Variants in PCDHA6 observed in about 807,000 individuals in gnomAD.
PCDHA6 encodes protocadherin alpha 6.
A neutral mutation model predicts 60.3 loss-of-function variants in PCDHA6; 55 were observed. The observed-to-expected ratio is 0.91, with a 90% confidence interval of 0.73 to 1.14. The LOEUF is 1.14. Among genes scored for constraint, PCDHA6 ranks in the 50% most tolerant of loss-of-function variants. PCDHA6 has a pLI of 0.00. For missense variants in PCDHA6, 1,327 were observed against 1,256.5 expected, an observed-to-expected ratio of 1.06 and a Z score of -0.85; for synonymous variants, 652 against 557.9, an observed-to-expected ratio of 1.17 and a Z score of -2.38.
intron 1 of PCDHA6, chr5:140,848,633 C>T (rs1554142316): frequency 1.9e-6 from 3 of 1,593,314 alleles, no homozygotes; most frequent in Non-Finnish European, 2.6e-6. Context: ...CCTTCGTGGG[C>T]CGCATCGCGC....
In PCDHA6 at chr5:140,968,789, G is replaced by A. The variant is rs782339889; in HGVS notation, c.2395-10160G>A. 16 of 1,614,060 alleles carry A rather than the reference G, an allele frequency of 9.9e-6. No individual in the cohort carries two copies. In the African/African-American group the frequency reaches 1.7e-4, roughly 18 times the overall value. On this transcript the variant is annotated intron_variant, in intron 1 of 3. Transcript: ENST00000529310. The stretch of plus-strand genomic sequence containing the variant: ...AGAGCCATCACTATCAGCCTCTGTG[G>A]CCATTACAGTAGCTGTGGTGGATAG...
At chr5:140,971,372 A>G (rs1554233263) in intron 1 of PCDHA6, among the ~76,000 whole-genome samples, 1 of 152,214 alleles carries the variant, frequency 6.6e-6, no homozygotes, top group Non-Finnish European at 1.5e-5. Flanking sequence ...AGGAGAGTGC[A>G]TGACTTTAAT....
chr5:140,887,323 C>T (rs1209011082), intron 1 of PCDHA6, among the ~76,000 whole-genome samples: 5 of 152,084 alleles, frequency 3.3e-5, no homozygotes, highest in African/African-American at 1.2e-4. Context: ...GTCTCGAACT[C>T]CTGACCTCGT....
At chr5:141,000,421 A>ATATTTTTTTTTTT (rs1265241806) in intron 3 of PCDHA6, among the ~76,000 whole-genome samples, 1 of 27,968 alleles carries the variant, frequency 3.6e-5, no homozygotes, top group African/African-American at 1.8e-4. Flanking sequence ...ATATATATAT[A>ATATTTTTTTTTTT]TTTTTTTTTT....
At chr5:140,967,730 G>A (rs2096176474) in intron 1 of PCDHA6, 1 of 1,614,146 alleles carries the variant, frequency 6.2e-7, no homozygotes, top group Non-Finnish European at 8.5e-7. Context: ...AGTAATTGGG[G>A]GGCTGGATTA....
In PCDHA6 at chr5:140,882,314, C is replaced by G. The variant is rs370330527; in HGVS notation, c.2394+51829C>G. 9 of 1,614,000 alleles carry G rather than the reference C, an allele frequency of 5.6e-6. No individual in the cohort carries two copies. The Admixed American group carries it at 6.7e-5, about 12-fold the overall frequency. On this transcript the variant is annotated intron_variant, in intron 1 of 3. Transcript: ENST00000529310. ...AGGCCCAAGACCGCGGCAACTACTGCTCTGGCTTCTGATCCTCGCAGCCTG... is the reference window on the plus strand; with the variant it reads ...AGGCCCAAGACCGCGGCAACTACTGGTCTGGCTTCTGATCCTCGCAGCCTG...
rs562257406 is a variant in PCDHA6 at position 140,883,263 on chromosome 5, G to A, written c.2394+52778G>A. 5.0e-6 allele frequency: 8 copies of A among 1,613,870 alleles called. No individual in the cohort carries two copies. The Admixed American group carries it at 6.7e-5, about 13-fold the overall frequency. ...GACAAAGGAAATATTCCAATGGCGG[G>A]TCATTGTACCCTTTTGGTGGAAGTA... On this transcript the variant is annotated intron_variant, in intron 1 of 3. Transcript: ENST00000529310.
At position 140,828,065 on chromosome 5, in the gene PCDHA6, AT is replaced by A; in HGVS notation, c.-26del. On this transcript the variant is annotated 5_prime_UTR_variant, in exon 1 of 4. It removes an upstream start codon present in the reference 5' UTR. Transcript: ENST00000529310. ...TTATCTTTATGCGGAAGATCTTCTA[AT>A]GGAAATAAAACCAGAGGTATTTGAC... is the stretch of plus-strand genomic sequence containing the variant. The A allele has an allele frequency of 2.6e-6, 4 of 1,559,414 alleles. No individual in the cohort carries two copies. Among genetic ancestry groups the A allele is most frequent in the Non-Finnish European group, 3.5e-6 (4 of 1,155,326 alleles).
rs150205860 is a variant in PCDHA6 at position 140,883,142 on chromosome 5, G to T, written c.2394+52657G>T. The T allele has an allele frequency of 3.1e-6, 5 of 1,613,886 alleles. No individual in the cohort carries two copies. In the African/African-American group the frequency reaches 6.7e-5, roughly 22 times the overall value. On this transcript the variant is annotated intron_variant, in intron 1 of 3. Transcript: ENST00000529310. ...GCCTGTATGGCCTGCAGTGGTATAT[G>T]CATTTACCATAAATCCGAACAATGG...
chr5:140,929,272 T>C (rs560527071), intron 1 of PCDHA6: 1 of 1,607,152 alleles, frequency 6.2e-7, no homozygotes. Flanking sequence ...TTTGCCAATA[T>C]CCTGTATTCA....
intron 1 of PCDHA6, among the ~76,000 whole-genome samples, chr5:140,962,849 T>G (rs1434907172): frequency 6.6e-6 from 1 of 152,214 alleles, no homozygotes; most frequent in Non-Finnish European, 1.5e-5. Context: ...ATATAACTTG[T>G]GCTCGGTTTG....
At chr5:140,850,781 G>C (rs2150498025) in intron 1 of PCDHA6, 2 of 1,598,096 alleles carry the variant, frequency 1.3e-6, no homozygotes, top group African/African-American at 2.7e-5. Context: ...GCTCTGGCGA[G>C]GGTAAGCAGA....
chr5:140,938,843 C>T (rs1232774282), intron 1 of PCDHA6, among the ~76,000 whole-genome samples: 3 of 152,012 alleles, frequency 2.0e-5, no homozygotes, highest in Admixed American at 6.6e-5. Flanking sequence ...AACAAACCTG[C>T]CCATGTACCC....
intron 1 of PCDHA6, among the ~76,000 whole-genome samples, chr5:140,977,739 T>C (rs1198089748): frequency 1.3e-5 from 2 of 152,206 alleles, no homozygotes; most frequent in South Asian, 2.1e-4. Context: ...CTGGGTGTTA[T>C]GAAGAAATGT....
At chr5:140,996,094 T>C (rs1428375932) in intron 3 of PCDHA6, among the ~76,000 whole-genome samples, 1 of 152,192 alleles carries the variant, frequency 6.6e-6, no homozygotes, top group Non-Finnish European at 1.5e-5. Flanking sequence ...CTAGATTACA[T>C]GGAATGGTAT....
rs367948106 is a variant in PCDHA6 at position 140,876,049 on chromosome 5, G to A, written c.2394+45564G>A. On this transcript the variant is annotated intron_variant, in intron 1 of 3. Coordinates refer to ENST00000529310, the MANE Select transcript of PCDHA6 (RefSeq NM_018909.4). Reference sequence around the variant, plus strand: ...AAAAAAAGATAAAAGTATATTGCCTGAATTAGTTCTTCGGAAGTTATTGGA... The same window carrying A: ...AAAAAAAGATAAAAGTATATTGCCTAAATTAGTTCTTCGGAAGTTATTGGA... The A allele has an allele frequency of 3.6e-4, 586 of 1,613,784 alleles. No individual in the cohort carries two copies. The highest frequency in any genetic ancestry group is 4.9e-4 in the Non-Finnish European group (575 of 1,179,896).
rs2150224135 is a variant in PCDHA6, at chr5:140,834,676, G to A, written c.2394+4191G>A. The A allele has an allele frequency of 3.3e-5, 53 of 1,614,126 alleles. No individual in the cohort carries two copies. Among genetic ancestry groups the A allele is most frequent in the Non-Finnish European group, 4.2e-5 (50 of 1,180,052 alleles). On this transcript the variant is annotated intron_variant, in intron 1 of 3. Coordinates refer to ENST00000529310, the MANE Select transcript of PCDHA6 (RefSeq NM_018909.4). ...ATCGACCGCGAGGAGCTGTGCGGGC[G>A]GAGCGCGGAGTGCAGCATCCACCTG...
At chr5:140,882,024 G>C in intron 1 of PCDHA6, 1 of 580,388 alleles carries the variant, frequency 1.7e-6, no homozygotes, top group East Asian at 3.1e-5. Flanking sequence ...CTACATCAAT[G>C]GAAAATATGA....
chr5:140,973,242 ATTC>A (rs1295527172), intron 1 of PCDHA6, among the ~76,000 whole-genome samples: 1 of 152,170 alleles, frequency 6.6e-6, no homozygotes, highest in Non-Finnish European at 1.5e-5. Context: ...GAAAGAGTTA[ATTC>A]TTCTTTCAGT....
Sources: allele counts gnomAD v4.1 joint callset (sites outside exome capture counted in the v4.1 genomes callset), GRCh38; gene constraint gnomAD v4.1.1; transcripts MANE v1.5; gene names NCBI Gene and HGNC (gene_info 2026-07-23, HGNC 2026-07-21).